The following CNTN4 variants were observed in gnomAD, a reference collection of about 807,000 sequenced individuals.
CNTN4 encodes the protein contactin 4, also known as contactin-4.
Under a neutral mutation model 122.5 loss-of-function variants are expected in CNTN4, and 77 were observed. The observed-to-expected ratio is 0.63, with a 90% CI of 0.52 to 0.76. The LOEUF (loss-of-function observed/expected upper bound fraction) is 0.76, where lower values mean the gene tolerates loss of function less well. Ranked by LOEUF, CNTN4 falls within the 30% of genes least tolerant of loss-of-function variation. The probability of loss-of-function intolerance (pLI) is 0.00; values close to 1 mark genes in which losing one functional copy is unlikely to be tolerated. For missense variants in CNTN4, 1,256 were observed against 1,259.1 expected, an observed-to-expected ratio of 1.00 and a Z score of 0.04; for synonymous variants, 512 against 447.0, an observed-to-expected ratio of 1.15 and a Z score of -1.83.
intron 12 of CNTN4, among the ~76,000 whole-genome samples, chr3:2,906,450 A>G (rs542105937): frequency 1.3e-5 from 2 of 152,030 alleles, no homozygotes; most frequent in Non-Finnish European, 2.9e-5. Context: ...AATAGATACA[A>G]TTGTGTCTGT....
chr3:2,740,367 A>G (rs1178832702), intron 5 of CNTN4, among the ~76,000 whole-genome samples: 1 of 152,180 alleles, frequency 6.6e-6, no homozygotes, highest in Non-Finnish European at 1.5e-5. Flanking sequence ...CTCTAAATAA[A>G]TAAATAAATA....
At chr3:2,229,056 G>A (rs1008388749) in intron 2 of CNTN4, among the ~76,000 whole-genome samples, 2 of 152,116 alleles carry the variant, frequency 1.3e-5, no homozygotes, top group East Asian at 3.9e-4. Context: ...CATTAGCCTT[G>A]TAGAATTGGC....
chr3:2,894,741 T>C (rs546445708), intron 10 of CNTN4, among the ~76,000 whole-genome samples: 2 of 152,160 alleles, frequency 1.3e-5, no homozygotes, highest in African/African-American at 4.8e-5. Context: ...AATGAATCTG[T>C]GTAAGGTTAG....
chr3:2,868,613 ATTT>A (rs2093750426), intron 8 of CNTN4, among the ~76,000 whole-genome samples: 1 of 152,148 alleles, frequency 6.6e-6, no homozygotes, highest in Non-Finnish European at 1.5e-5. Context: ...ACACTGTGGA[ATTT>A]TTGAGCAAAT....
intron 23 of CNTN4, 60 bp downstream of exon 23, chr3:3,043,764 C>A: frequency 9.5e-7 from 1 of 1,055,274 alleles, no homozygotes; most frequent in Non-Finnish European, 1.5e-6. Flanking sequence ...GCAGTCTCCT[C>A]CATGAATTAT....
At chr3:2,474,058 G>T (rs1294099239) in intron 3 of CNTN4, among the ~76,000 whole-genome samples, 2 of 151,446 alleles carry the variant, frequency 1.3e-5, no homozygotes, top group Non-Finnish European at 2.9e-5. Context: ...TTTCCCTTCT[G>T]GTTTCATATG....
intron 4 of CNTN4, among the ~76,000 whole-genome samples, chr3:2,652,559 G>A (rs1413276183): frequency 2.0e-5 from 3 of 152,122 alleles, no homozygotes. Flanking sequence ...AATGTGACAG[G>A]GAGAGAAGAG....
At chr3:2,129,441 G>T (rs2034347224) in intron 2 of CNTN4, among the ~76,000 whole-genome samples, 1 of 144,484 alleles carries the variant, frequency 6.9e-6, no homozygotes. Flanking sequence ...ATGCTATTTT[G>T]GATTCTCTCA....
chr3:2,751,171 G>A (rs1451825561), intron 6 of CNTN4, among the ~76,000 whole-genome samples: 1 of 151,998 alleles, frequency 6.6e-6, no homozygotes, highest in African/African-American at 2.4e-5. Context: ...AGCCAGGCAT[G>A]GTGGCGGGCA....
intron 3 of CNTN4, among the ~76,000 whole-genome samples, chr3:2,562,456 C>T (rs1337329725): frequency 3.3e-5 from 5 of 152,116 alleles, no homozygotes; most frequent in African/African-American, 1.2e-4. Context: ...TATTTAGCTC[C>T]CACTTGTAAG....
intron 2 of CNTN4, among the ~76,000 whole-genome samples, chr3:2,141,936 C>G (rs1024850976): frequency 6.6e-6 from 1 of 152,188 alleles, no homozygotes; most frequent in Non-Finnish European, 1.5e-5. Flanking sequence ...AAATTAGTGG[C>G]TTAATCAGAA....
At position 2,340,709 on chromosome 3, in the gene CNTN4, A is replaced by AGAGAGAGAGAGAGAGAGAGAGGGG. The variant is rs1559468175; in HGVS notation, c.-89+1476_-89+1477insGAGAGAGAGAGAGAGAGAGAGGGG. ...TTTATATATATATATATATATATAT[A>AGAGAGAGAGAGAGAGAGAGAGGGG]TAGAGAGAGAGAGAGAGAGAGAGAG... On this transcript the variant is annotated intron_variant, in intron 3 of 24. Coordinates refer to ENST00000418658, the MANE Select transcript of CNTN4 (RefSeq NM_175607.3). Among the ~76,000 whole-genome samples, 2 of 101,370 alleles carry AGAGAGAGAGAGAGAGAGAGAGGGG rather than the reference A, an allele frequency of 2.0e-5. 1 individual carries two copies. The highest frequency in any genetic ancestry group is 4.2e-5 in the Non-Finnish European group (2 of 47,384). 66.5% of individuals were successfully genotyped at this position (101,370 alleles called of 152,430 possible).
chr3:2,854,693 A>G (rs1222671533), intron 7 of CNTN4, among the ~76,000 whole-genome samples: 1 of 152,206 alleles, frequency 6.6e-6, no homozygotes, highest in Non-Finnish European at 1.5e-5. Context: ...TTGTTTAATA[A>G]TTTGGTGAAA....
chr3:2,472,459 A>G (rs1188303323), intron 3 of CNTN4, among the ~76,000 whole-genome samples: 1 of 152,134 alleles, frequency 6.6e-6, no homozygotes, highest in African/African-American at 2.4e-5. Context: ...GGCTGGTCTC[A>G]AATTTCTGGC....
intron 13 of CNTN4, among the ~76,000 whole-genome samples, chr3:2,968,834 C>G (rs1017540458): frequency 4.6e-5 from 7 of 152,176 alleles, no homozygotes; most frequent in Non-Finnish European, 8.8e-5. Context: ...CCATTTGATG[C>G]ATCATCTATG....
intron 6 of CNTN4, among the ~76,000 whole-genome samples, chr3:2,789,800 A>C (rs1380446172): frequency 6.6e-6 from 1 of 152,220 alleles, no homozygotes; most frequent in Non-Finnish European, 1.5e-5. Flanking sequence ...AAAAAAAATT[A>C]AAAAGCTAAA....
chr3:2,296,171 G>C (rs1403687424), intron 2 of CNTN4, among the ~76,000 whole-genome samples: 3 of 151,960 alleles, frequency 2.0e-5, no homozygotes, highest in Non-Finnish European at 4.4e-5. Flanking sequence ...GCTCTTTTTT[G>C]GTTCCATATG....
intron 2 of CNTN4, among the ~76,000 whole-genome samples, chr3:2,332,480 TAAG>T (rs977437137): frequency 6.6e-6 from 1 of 152,072 alleles, no homozygotes; most frequent in African/African-American, 2.4e-5. Flanking sequence ...AACAGAGACT[TAAG>T]AAGAGTAACT....
At chr3:2,293,549 A>G (rs1053975129) in intron 2 of CNTN4, among the ~76,000 whole-genome samples, 1 of 152,182 alleles carries the variant, frequency 6.6e-6, no homozygotes, top group African/African-American at 2.4e-5. Context: ...AATGGGAATA[A>G]TGCAGCACCT....
Sources: allele counts gnomAD v4.1 joint callset (sites outside exome capture counted in the v4.1 genomes callset), GRCh38; gene constraint gnomAD v4.1.1; transcripts MANE v1.5; gene names NCBI Gene and HGNC (gene_info 2026-07-23, HGNC 2026-07-21).